The following VPS13B variants were observed in gnomAD, a reference collection of about 807,000 sequenced individuals.
The protein encoded by VPS13B is intermembrane lipid transfer protein VPS13B.
A neutral mutation model predicts 426.4 loss-of-function variants in VPS13B; 285 were observed. The ratio of observed to expected loss-of-function variants is 0.67; its 90% CI spans 0.61 to 0.74. The LOEUF is 0.74. VPS13B is among the 30% of genes least tolerant of loss of function. The pLI is 0.00. For missense variants in VPS13B, 4,537 were observed against 4,782.6 expected (o/e 0.95, Z 1.51); for synonymous variants, 1,676 against 1,676.4 (o/e 1.00, Z 0.01).
In VPS13B at chr8:99,481,720, C is replaced by T. The variant is rs1391859276; in HGVS notation, c.3788C>T (p.Ser1263Phe). The T allele has an allele frequency of 1.9e-6, 3 of 1,613,906 alleles. No individual in the cohort carries two copies. The highest frequency in any genetic ancestry group is 1.7e-6 in the Non-Finnish European group (2 of 1,179,918). Reference sequence around the variant, plus strand: ...ACCATGGCAGGGCCTGTTCCTACTTCTCCAGTTAGAAGCAGTATAGGCACA... The same window carrying T: ...ACCATGGCAGGGCCTGTTCCTACTTTTCCAGTTAGAAGCAGTATAGGCACA... ...PETMAGPVPTSPVRSSIGTAP... is the reference protein window; with the variant it reads ...PETMAGPVPTFPVRSSIGTAP... The change falls in exon 25 of 62, where the codon TCT (serine) becomes TTT (phenylalanine). Residue 1263 changes from serine (S) to phenylalanine (F), a missense_variant. Physicochemically the swap from Ser to Phe is radical, Grantham distance 155. Transcript: ENST00000357162.
chr8:99,511,580 T>G (rs533608381), intron 29 of VPS13B, 68 bp downstream of exon 29: 7 of 1,504,402 alleles, frequency 4.7e-6, no homozygotes, highest in East Asian at 4.6e-5. Flanking sequence ...GTTTTCTGGG[T>G]TTTTTTGTTT....
intron 22 of VPS13B, among the ~76,000 whole-genome samples, chr8:99,434,877 T>C (rs112053676): frequency 1.4e-3 from 220 of 152,320 alleles, no homozygotes; most frequent in African/African-American, 5.0e-3. Flanking sequence ...TGCATTGACT[T>C]ACCTGTCCTT....
intron 31 of VPS13B, among the ~76,000 whole-genome samples, chr8:99,563,155 C>A (rs552330395): frequency 6.6e-6 from 1 of 152,262 alleles, no homozygotes; most frequent in East Asian, 1.9e-4. Context: ...CAGAGCAAAA[C>A]CCTGTCTCAA....
At chr8:99,096,179 T>C in intron 3 of VPS13B, 133 bp from the exon 4 acceptor site, 1 of 1,025,166 alleles carries the variant, frequency 9.8e-7, no homozygotes, top group East Asian at 2.7e-5. Flanking sequence ...ATGTAGTTTT[T>C]AGAGCTAAAA....
In VPS13B at chr8:99,325,215, T is replaced by C. The variant is rs113951406; in HGVS notation, c.2824+49961T>C. Among the ~76,000 whole-genome samples, 591 of 152,272 alleles carry C rather than the reference T, an allele frequency of 3.9e-3. 7 individuals are homozygous for C. The highest frequency in any genetic ancestry group is 0.013 in the African/African-American group (526 of 41,566). ...GTTCTCTCACCTGGGCCCCCCAAAG[T>C]GTTGGAATTACAGGCATGAGCCACT... On this transcript the variant is annotated intron_variant, in intron 19 of 61. Transcript: ENST00000357162.
intron 19 of VPS13B, among the ~76,000 whole-genome samples, chr8:99,305,297 A>C (rs1470408018): frequency 2.6e-5 from 4 of 152,136 alleles, no homozygotes; most frequent in Non-Finnish European, 4.4e-5. Context: ...CAACCAATAA[A>C]AATAATAACT....
chr8:99,438,695 C>T (rs548399821), intron 22 of VPS13B, among the ~76,000 whole-genome samples: 11 of 152,178 alleles, frequency 7.2e-5, no homozygotes, highest in Non-Finnish European at 1.5e-5. Context: ...ATTTCTACTA[C>T]ATATGATGAT....
chr8:99,358,308 G>C (rs951182688), intron 19 of VPS13B, among the ~76,000 whole-genome samples: 1 of 152,144 alleles, frequency 6.6e-6, no homozygotes, highest in African/African-American at 2.4e-5. Context: ...ATTTTGGGCA[G>C]TATCAGTGTG....
intron 16 of VPS13B, among the ~76,000 whole-genome samples, chr8:99,188,068 T>C (rs1301268117): frequency 6.7e-6 from 1 of 150,302 alleles, no homozygotes; most frequent in Non-Finnish European, 1.5e-5. Context: ...TTTTTTTTTT[T>C]TTTTTGTGAG....
At chr8:99,436,327 A>G (rs905982918) in intron 22 of VPS13B, among the ~76,000 whole-genome samples, 4 of 152,314 alleles carry the variant, frequency 2.6e-5, no homozygotes, top group Admixed American at 1.3e-4. Context: ...CATCACTAAC[A>G]AACTTAATCT....
At chr8:99,082,337 A>T (rs987288409) in intron 3 of VPS13B, among the ~76,000 whole-genome samples, 1 of 152,122 alleles carries the variant, frequency 6.6e-6, no homozygotes, top group African/African-American at 2.4e-5. Flanking sequence ...AATTTGTCTG[A>T]GTTCATTGTA....
intron 21 of VPS13B, among the ~76,000 whole-genome samples, chr8:99,398,337 C>G (rs1814849923): frequency 6.6e-6 from 1 of 152,046 alleles, no homozygotes; most frequent in African/African-American, 2.4e-5. Flanking sequence ...GAGAAGTAGG[C>G]AACAAAGCTA....
chr8:99,520,545 C>G (rs967447954), intron 29 of VPS13B, among the ~76,000 whole-genome samples: 2 of 151,866 alleles, frequency 1.3e-5, no homozygotes, highest in African/African-American at 4.8e-5. Context: ...GAACCCAAAG[C>G]TGAAAAGCAT....
At chr8:99,388,998 C>T (rs1474481619) in intron 20 of VPS13B, among the ~76,000 whole-genome samples, 2 of 151,850 alleles carry the variant, frequency 1.3e-5, no homozygotes, top group South Asian at 2.1e-4. Context: ...AAAATACAAA[C>T]GTTAGCTGGG....
At chr8:99,838,014 T>C (rs544324321) in intron 54 of VPS13B, among the ~76,000 whole-genome samples, 8 of 152,356 alleles carry the variant, frequency 5.3e-5, no homozygotes, top group African/African-American at 1.2e-4. Flanking sequence ...TTGTAGAATT[T>C]TGAAATGGAT....
chr8:99,584,159 A>G (rs1826200759), intron 33 of VPS13B, among the ~76,000 whole-genome samples: 1 of 152,108 alleles, frequency 6.6e-6, no homozygotes, highest in Non-Finnish European at 1.5e-5. Flanking sequence ...CCTGGAAAAG[A>G]TATTAAGTAT....
intron 34 of VPS13B, among the ~76,000 whole-genome samples, chr8:99,647,573 TA>T (rs111538532): frequency 0.25 from 27,833 of 111,596 alleles, 3,051 homozygotes; most frequent in East Asian, 0.47. Flanking sequence ...AGCAAGACTG[TA>T]AAAAAAAAAA....
Position 99,835,695 on chromosome 8 carries a change from C to A in VPS13B, c.9899C>A (p.Thr3300Asn). The change falls in exon 54 of 62, where the codon ACT becomes AAT. Residue 3300 changes from threonine to asparagine, a missense_variant. Thr to Asn is a moderately conservative substitution (Grantham distance 65). Around this residue, in one of 2 missense-constraint regions of VPS13B, gnomAD observed 4,311 missense variants for 4,474.3 expected, o/e 0.96. Transcript: ENST00000357162. ...LRVEPLDEVT[T>N]EWSDAIDINS... ...GTTGAACCTCTAGATGAAGTAACAA[C>A]TGAGTGGAGTGATGCCATTGACATC... 6.2e-7 allele frequency: 1 copy of A among 1,614,182 alleles called. No homozygotes were observed. The highest frequency in any genetic ancestry group is 8.5e-7 in the Non-Finnish European group (1 of 1,180,030).
rs1254203067 is a variant in VPS13B, at chr8:99,859,601, T to C, written c.11044+121T>C. ...CTCTAGCTTTGTTTGGCCTTTTAGC[T>C]TGCAGTGAGAGTTTGGGTTTGTAAC... On this transcript the variant is annotated intron_variant, in intron 57 of 61. Coordinates refer to ENST00000357162, the MANE Select transcript of VPS13B (RefSeq NM_152564.5). 44 of 1,320,804 alleles carry C rather than the reference T, an allele frequency of 3.3e-5. No homozygotes were observed. The Admixed American group carries it at 9.2e-4, about 28-fold the overall frequency. The allele number at this position is 1,320,804 out of a possible 1,614,324, so 81.8% of individuals were successfully genotyped here.
Sources: gnomAD v4.1 joint callset for allele counts (sites outside exome capture counted in the v4.1 genomes callset) on GRCh38, gnomAD v4.1.1 for gene constraint, gnomAD v4.1.1 regional missense constraint, MANE v1.5 for transcripts, NCBI Gene and HGNC (gene_info 2026-07-23, HGNC 2026-07-21) for gene names.